Variants in DCLK2 observed in about 807,000 individuals in gnomAD.
DCLK2 encodes the protein serine/threonine-protein kinase DCLK2.
In DCLK2, 31 loss-of-function variants were observed where a neutral mutation model predicts 78.4. The ratio of observed to expected loss-of-function variants is 0.40; its 90% confidence interval spans 0.30 to 0.53. The LOEUF is 0.53. Ranked by LOEUF, DCLK2 falls within the 20% of genes least tolerant of loss-of-function variation. The probability of loss-of-function intolerance (pLI) is 0.61; values close to 1 mark genes in which losing one functional copy is unlikely to be tolerated. For synonymous variants in DCLK2, 407 were observed against 374.9 expected, an observed-to-expected ratio of 1.09 and a Z score of -0.99; for missense variants, 872 against 973.7, an observed-to-expected ratio of 0.90 and a Z score of 1.39.
chr4:150,110,060 C>T (rs1163786209), intron 2 of DCLK2, among the ~76,000 whole-genome samples: 1 of 152,088 alleles, frequency 6.6e-6, no homozygotes, highest in Non-Finnish European at 1.5e-5. Flanking sequence ...ATATTTTCTC[C>T]CTTTTAATGG....
At chr4:150,208,035 G>A (rs554957422) in intron 5 of DCLK2, among the ~76,000 whole-genome samples, 48 of 152,270 alleles carry the variant, frequency 3.2e-4, no homozygotes, top group African/African-American at 8.4e-4. Context: ...CGGCTCAACC[G>A]ACTTGATAGG....
chr4:150,143,642 A>G (rs1189467277), intron 2 of DCLK2, among the ~76,000 whole-genome samples: 2 of 152,298 alleles, frequency 1.3e-5, no homozygotes, highest in Non-Finnish European at 2.9e-5. Flanking sequence ...TCTGTTTTCC[A>G]TACAGGTTGA....
chr4:150,143,948 G>T (rs1328306454), intron 2 of DCLK2, among the ~76,000 whole-genome samples: 1 of 151,316 alleles, frequency 6.6e-6, no homozygotes, highest in Non-Finnish European at 1.5e-5. Context: ...TTAGTCGTTT[G>T]CCAGAGACAT....
intron 2 of DCLK2, among the ~76,000 whole-genome samples, chr4:150,170,320 A>G (rs1310342625): frequency 6.6e-6 from 1 of 152,178 alleles, no homozygotes; most frequent in Non-Finnish European, 1.5e-5. Context: ...CTGGGATTAT[A>G]GGCATGAGCC....
chr4:150,251,929 GCTCTCCCT>G (rs959979701), intron 15 of DCLK2, among the ~76,000 whole-genome samples: 32 of 152,018 alleles, frequency 2.1e-4, no homozygotes, highest in East Asian at 1.4e-3. Flanking sequence ...CAGAAAGTGT[GCTCTCCCT>G]CTCTCCCTCT....
At chr4:150,087,457 A>G (rs894748526) in intron 1 of DCLK2, among the ~76,000 whole-genome samples, 2 of 152,232 alleles carry the variant, frequency 1.3e-5, no homozygotes, top group African/African-American at 2.4e-5. Context: ...GAGGAGGCCA[A>G]GGAGGTTTGC....
chr4:150,198,439 T>A (rs2126422618), intron 4 of DCLK2, among the ~76,000 whole-genome samples: 1 of 151,998 alleles, frequency 6.6e-6, no homozygotes, highest in Admixed American at 6.6e-5. Context: ...ATAATTATTT[T>A]CTTAACATTA....
intron 2 of DCLK2, among the ~76,000 whole-genome samples, chr4:150,187,515 TAGTACTGC>T (rs1738041883): frequency 6.6e-6 from 1 of 152,204 alleles, no homozygotes; most frequent in Admixed American, 6.5e-5. Context: ...CCACCCTCTT[TAGTACTGC>T]AGCACCCATC....
At chr4:150,236,086 T>C (rs558979916) in intron 10 of DCLK2, among the ~76,000 whole-genome samples, 1 of 152,232 alleles carries the variant, frequency 6.6e-6, no homozygotes, top group Non-Finnish European at 1.5e-5. Flanking sequence ...TAAGTTGACA[T>C]TTTATTTAGA....
chr4:150,111,669 A>G (rs1731702471), intron 2 of DCLK2, among the ~76,000 whole-genome samples: 1 of 152,112 alleles, frequency 6.6e-6, no homozygotes, highest in Non-Finnish European at 1.5e-5. Context: ...GGTAAGGGGT[A>G]GGGAATCCAG....
At chr4:150,177,522 A>C (rs73860536) in intron 2 of DCLK2, among the ~76,000 whole-genome samples, 3,171 of 152,306 alleles carry the variant, frequency 0.021, 99 homozygotes, top group African/African-American at 0.073. Context: ...TAAATTGAAC[A>C]TTCTGAGAAA....
At chr4:150,084,559 A>G (rs1171753358) in intron 1 of DCLK2, among the ~76,000 whole-genome samples, 1 of 152,164 alleles carries the variant, frequency 6.6e-6, no homozygotes. Context: ...TAAGAGGAAA[A>G]TTTTCATTTA....
At chr4:150,252,857 GA>G (rs1744275925) in intron 15 of DCLK2, among the ~76,000 whole-genome samples, 1 of 152,130 alleles carries the variant, frequency 6.6e-6, no homozygotes, top group Admixed American at 6.5e-5. Flanking sequence ...TAGCTCAGAG[GA>G]ACTGCTGATG....
In DCLK2 at chr4:150,256,207, G is replaced by T. The variant is rs780837468; in HGVS notation, c.2261G>T (p.Gly754Val). Residue 754 changes from glycine to valine, a missense_variant, in exon 16 of 16, where the codon GGT becomes GTT. By Grantham distance (109) the Gly-to-Val change is moderately radical (BLOSUM62 -3). Transcript: ENST00000296550. ...CCCCACCCTCCTCCCGCTGCCCCGG[G>T]TGGTGAGCGGGCAGGAACCTGGCGC... ...PTPHPPPAAPGGERAGTWRRH... is the reference protein window; with the variant it reads ...PTPHPPPAAPVGERAGTWRRH... 39 of 1,545,166 alleles carry T rather than the reference G, an allele frequency of 2.5e-5. No individual in the cohort carries two copies. Among genetic ancestry groups the T allele is most frequent in the Non-Finnish European group, 3.4e-5 (39 of 1,145,904 alleles).
At chr4:150,155,215 A>G (rs1449944388) in intron 2 of DCLK2, among the ~76,000 whole-genome samples, 2 of 152,234 alleles carry the variant, frequency 1.3e-5, no homozygotes, top group African/African-American at 4.8e-5. Context: ...TGGGCAACAG[A>G]ACAAGACCTT....
At chr4:150,166,651 G>A (rs1736102807) in intron 2 of DCLK2, among the ~76,000 whole-genome samples, 1 of 152,138 alleles carries the variant, frequency 6.6e-6, no homozygotes, top group Admixed American at 6.6e-5. Context: ...TGTTTTCTTT[G>A]TGTGACAAAT....
chr4:150,190,297 A>G (rs1487370133), intron 2 of DCLK2, among the ~76,000 whole-genome samples: 4 of 141,576 alleles, frequency 2.8e-5, no homozygotes, highest in Admixed American at 6.9e-5. Flanking sequence ...ATAGATAGAT[A>G]GGCAGACAGA....
At chr4:150,156,167 G>T (rs1203841734) in intron 2 of DCLK2, among the ~76,000 whole-genome samples, 1 of 152,124 alleles carries the variant, frequency 6.6e-6, no homozygotes, top group Non-Finnish European at 1.5e-5. Flanking sequence ...GGATGATGGT[G>T]CAAAAGCCGT....
At chr4:150,223,838 T>C (rs1207831521) in intron 7 of DCLK2, among the ~76,000 whole-genome samples, 15 of 152,160 alleles carry the variant, frequency 9.9e-5, no homozygotes, top group Admixed American at 9.8e-4. Flanking sequence ...CATTTAAAGA[T>C]GTGACTAACT....
Sources: allele counts gnomAD v4.1 joint callset (sites outside exome capture counted in the v4.1 genomes callset), GRCh38; gene constraint gnomAD v4.1.1; transcripts MANE v1.5; gene names NCBI Gene and HGNC (gene_info 2026-07-23, HGNC 2026-07-21).